Variants in DIS3L2 observed in about 807,000 individuals in gnomAD.
DIS3L2 encodes the protein DIS3-like exonuclease 2.
DIS3L2 carries 34 observed loss-of-function variants against 97.5 expected under a neutral mutation model. The ratio of observed to expected loss-of-function variants is 0.35; its 90% confidence interval spans 0.27 to 0.46. DIS3L2 has a LOEUF of 0.46. Among genes scored for constraint, DIS3L2 ranks in the 20% least tolerant of loss-of-function variants. The pLI is 1.00. For missense variants in DIS3L2, 1,038 were observed against 1,146.0 expected (o/e 0.91, Z 1.36); for synonymous variants, 435 against 445.2 (o/e 0.98, Z 0.29).
intron 5 of DIS3L2, among the ~76,000 whole-genome samples, chr2:232,035,148 T>C (rs1365229809): frequency 8.5e-5 from 13 of 152,210 alleles, no homozygotes; most frequent in African/African-American, 3.1e-4. Context: ...TCTTTATAGG[T>C]CTCTAAGAGC....
In DIS3L2 at chr2:232,294,215, T is replaced by G. The variant is rs375931597; in HGVS notation, c.1660-5825T>G. The stretch of plus-strand genomic sequence containing the variant: ...GGGCCAGGAAATGCCATGCCCTGAT[T>G]GGCTTAGGTTTCTTACCTCAGAGCT... On this transcript the variant is annotated intron_variant, in intron 13 of 20. Coordinates refer to ENST00000325385, the MANE Select transcript of DIS3L2 (RefSeq NM_152383.5). Among the ~76,000 whole-genome samples the G allele has an allele frequency of 5.3e-5, 8 of 152,334 alleles. No homozygotes were observed. In the East Asian group the frequency reaches 1.4e-3, roughly 26 times the overall value.
Position 232,174,140 on chromosome 2 carries a change from T to G in DIS3L2, c.1124+10508T>G, listed in dbSNP as rs186651071. ...TTTTGTAGTTTTCAGTATACAAGGC[T>G]TCTTTGTTAAATTTAATCCTACATA... On this transcript the variant is annotated intron_variant, in intron 9 of 20. Coordinates refer to ENST00000325385, the MANE Select transcript of DIS3L2 (RefSeq NM_152383.5). 1.3e-4 allele frequency among the ~76,000 whole-genome samples: 20 copies of G among 152,324 alleles called. No individual in the cohort carries two copies. In the East Asian group the frequency reaches 3.7e-3, roughly 28 times the overall value.
At chr2:232,305,180 A>T (rs1463089786) in intron 14 of DIS3L2, among the ~76,000 whole-genome samples, 1 of 152,138 alleles carries the variant, frequency 6.6e-6, no homozygotes, top group Non-Finnish European at 1.5e-5. Flanking sequence ...GGTTCAAGTG[A>T]TTCTCTTGCC....
At position 232,292,978 on chromosome 2, in the gene DIS3L2, C is replaced by A; in HGVS notation, c.1660-7062C>A. Among the ~76,000 whole-genome samples, 1 of 152,136 alleles carries A rather than the reference C, an allele frequency of 6.6e-6. No homozygotes were observed. Among genetic ancestry groups the A allele is most frequent in the East Asian group, 1.9e-4 (1 of 5,170 alleles). On this transcript the variant is annotated intron_variant, in intron 13 of 20. Transcript: ENST00000325385. The surrounding 1 kb of genome is among the most constrained non-coding windows in gnomAD (Gnocchi z 4.4). The stretch of plus-strand genomic sequence containing the variant: ...TGGTGAGCTCTCCTGCTTGACATGG[C>A]AGCTGCCTCTGGAGAGAGAAAGACC...
intron 6 of DIS3L2, among the ~76,000 whole-genome samples, chr2:232,094,040 A>G (rs1270493589): frequency 6.6e-6 from 1 of 151,924 alleles, no homozygotes; most frequent in Non-Finnish European, 1.5e-5. Context: ...CTGTGATTCC[A>G]TTATCATTTG....
At chr2:232,078,728 G>T (rs1041531647) in intron 5 of DIS3L2, among the ~76,000 whole-genome samples, 2 of 152,190 alleles carry the variant, frequency 1.3e-5, no homozygotes, top group Admixed American at 6.5e-5. Flanking sequence ...TATACAGTTA[G>T]TGAGCAGATA....
intron 6 of DIS3L2, among the ~76,000 whole-genome samples, chr2:232,121,972 C>T (rs542880482): frequency 6.6e-6 from 1 of 152,328 alleles, no homozygotes; most frequent in Admixed American, 6.5e-5. Flanking sequence ...ATTAACTGGC[C>T]TCCTGCCTCC....
At chr2:232,018,029 ATACT>A (rs757607967) in intron 3 of DIS3L2, among the ~76,000 whole-genome samples, 2 of 152,200 alleles carry the variant, frequency 1.3e-5, no homozygotes, top group South Asian at 2.1e-4. Flanking sequence ...TATTGAATAA[ATACT>A]TACTTACTGA....
intron 12 of DIS3L2, among the ~76,000 whole-genome samples, chr2:232,257,283 C>G (rs1318803311): frequency 6.6e-6 from 1 of 152,166 alleles, no homozygotes; most frequent in Non-Finnish European, 1.5e-5. Flanking sequence ...CCTCTGTCCT[C>G]TGCAGTTACT....
chr2:232,117,909 A>G (rs1456555100), intron 6 of DIS3L2, among the ~76,000 whole-genome samples: 1 of 152,220 alleles, frequency 6.6e-6, no homozygotes, highest in Non-Finnish European at 1.5e-5. Context: ...CACATTTATT[A>G]TCTCACAGTT....
intron 14 of DIS3L2, among the ~76,000 whole-genome samples, chr2:232,305,220 C>T (rs549235704): frequency 1.8e-4 from 27 of 152,128 alleles, no homozygotes; most frequent in Admixed American, 1.1e-3. Context: ...GGATTACAGG[C>T]GCGCACCACC....
chr2:231,972,743 C>CTA (rs1692958803), intron 1 of DIS3L2, among the ~76,000 whole-genome samples: 1 of 152,014 alleles, frequency 6.6e-6, no homozygotes, highest in Admixed American at 6.6e-5. Flanking sequence ...GAGGTTTTAC[C>CTA]ATGTTGCCCA....
rs11682631 is a variant in DIS3L2, at chr2:232,115,545, A to G, written c.602-15074A>G. 7.3e-3 allele frequency among the ~76,000 whole-genome samples: 1,109 copies of G among 152,208 alleles called. 5 individuals are homozygous for G. The highest frequency in any genetic ancestry group is 0.012 in the Non-Finnish European group (783 of 68,000). On this transcript the variant is annotated intron_variant, in intron 6 of 20. Coordinates refer to ENST00000325385, the MANE Select transcript of DIS3L2 (RefSeq NM_152383.5). ...CTGAGGCTGTTTGCCTGTGAATGAT[A>G]TGGTTTGGCTCTGTGTTCCCACCCA...
chr2:232,297,508 A>T (rs1241565010), intron 13 of DIS3L2, among the ~76,000 whole-genome samples: 2 of 152,232 alleles, frequency 1.3e-5, no homozygotes, highest in East Asian at 1.9e-4. Context: ...TGGGACCAAA[A>T]GACACAGGAA....
intron 6 of DIS3L2, among the ~76,000 whole-genome samples, chr2:232,096,244 G>A (rs1468490378): frequency 2.6e-5 from 4 of 151,688 alleles, no homozygotes; most frequent in Non-Finnish European, 4.4e-5. Flanking sequence ...CCGCCACCAC[G>A]CTCGGCTAAT....
At chr2:232,017,788 G>A (rs985645496) in intron 3 of DIS3L2, among the ~76,000 whole-genome samples, 2 of 152,120 alleles carry the variant, frequency 1.3e-5, no homozygotes, top group African/African-American at 2.4e-5. Context: ...TTAAGTCCGT[G>A]CCTAAATGTT....
At chr2:232,247,782 T>TA (rs1267252946) in intron 11 of DIS3L2, among the ~76,000 whole-genome samples, 2 of 152,208 alleles carry the variant, frequency 1.3e-5, no homozygotes, top group African/African-American at 4.8e-5. Context: ...TATCATTTTA[T>TA]AAAACACTTG....
intron 5 of DIS3L2, among the ~76,000 whole-genome samples, chr2:232,042,011 A>G (rs1346579139): frequency 6.6e-6 from 1 of 152,226 alleles, no homozygotes; most frequent in Admixed American, 6.5e-5. Flanking sequence ...AAGTCTATAC[A>G]TGATTTAAGG....
intron 3 of DIS3L2, among the ~76,000 whole-genome samples, chr2:232,018,499 C>G (rs1261632681): frequency 6.6e-6 from 1 of 152,114 alleles, no homozygotes; most frequent in Non-Finnish European, 1.5e-5. Flanking sequence ...CCATCTGCTG[C>G]TTGATATAAA....
Sources: gnomAD v4.1 joint callset for allele counts (sites outside exome capture counted in the v4.1 genomes callset) on GRCh38, gnomAD v4.1.1 for gene constraint, Gnocchi (gnomAD v3.1) non-coding constraint, MANE v1.5 for transcripts, NCBI Gene and HGNC (gene_info 2026-07-23, HGNC 2026-07-21) for gene names.